Variants in LARGE1 observed in about 807,000 individuals in gnomAD.
LARGE1 encodes xylosyl- and glucuronyltransferase LARGE1.
LARGE1 carries 43 observed loss-of-function variants against 87.6 expected under a neutral mutation model. The ratio of observed to expected loss-of-function variants is 0.49; its 90% CI spans 0.38 to 0.63. The LOEUF (loss-of-function observed/expected upper bound fraction) is 0.63. Among genes scored for constraint, LARGE1 ranks in the 30% least tolerant of loss-of-function variants. The pLI, the probability that LARGE1 is intolerant of heterozygous loss-of-function variation, is 0.00. For synonymous variants in LARGE1, 434 were observed against 394.6 expected, an observed-to-expected ratio of 1.10 and a Z score of -1.18; for missense variants, 802 against 1,000.2, an observed-to-expected ratio of 0.80 and a Z score of 2.67.
intron 11 of LARGE1, among the ~76,000 whole-genome samples, chr22:33,222,563 A>G (rs1602111477): frequency 1.3e-5 from 2 of 152,348 alleles, no homozygotes; most frequent in East Asian, 1.9e-4. Context: ...CTCTCAGTCC[A>G]ATAGCAAGTG....
At chr22:33,673,475 T>G (rs1160699658) in intron 2 of LARGE1, among the ~76,000 whole-genome samples, 3 of 152,192 alleles carry the variant, frequency 2.0e-5, no homozygotes. Context: ...CTGCAACAGC[T>G]TGCCAGCTGA....
At chr22:33,329,484 C>T (rs1023235157) in intron 10 of LARGE1, among the ~76,000 whole-genome samples, 3 of 151,396 alleles carry the variant, frequency 2.0e-5, no homozygotes, top group Admixed American at 6.6e-5. Flanking sequence ...AACAAGGAGG[C>T]GAGCCCAGAA....
At chr22:33,471,576 CAAAA>C (rs2068843759) in intron 6 of LARGE1, among the ~76,000 whole-genome samples, 1 of 152,014 alleles carries the variant, frequency 6.6e-6, no homozygotes, top group African/African-American at 2.4e-5. Context: ...GTGCCCCACC[CAAAA>C]TAATGCCAAT....
intron 2 of LARGE1, among the ~76,000 whole-genome samples, chr22:33,671,718 T>C (rs2081418355): frequency 6.6e-6 from 1 of 152,174 alleles, no homozygotes; most frequent in Non-Finnish European, 1.5e-5. Flanking sequence ...TTAAGCATCG[T>C]TTAAGATTTT....
intron 7 of LARGE1, among the ~76,000 whole-genome samples, chr22:33,397,115 TTTTC>T (rs910248926): frequency 2.0e-5 from 3 of 152,024 alleles, no homozygotes; most frequent in Non-Finnish European, 4.4e-5. Flanking sequence ...ATCTTGCCTT[TTTTC>T]TTTCTTTTTT....
intron 11 of LARGE1, among the ~76,000 whole-genome samples, chr22:33,210,271 T>C (rs1024400922): frequency 6.6e-6 from 1 of 152,254 alleles, no homozygotes; most frequent in Non-Finnish European, 1.5e-5. Flanking sequence ...TTGTCCTCTT[T>C]GCCCTCCACA....
At chr22:33,416,938 C>T (rs990068792) in intron 7 of LARGE1, among the ~76,000 whole-genome samples, 99 of 115,852 alleles carry the variant, frequency 8.5e-4, no homozygotes, top group Middle Eastern at 4.7e-3. Flanking sequence ...GACAGAGTCT[C>T]GCTGTGTCAC....
chr22:33,220,983 C>T (rs765972709), intron 11 of LARGE1, among the ~76,000 whole-genome samples: 4 of 152,104 alleles, frequency 2.6e-5, no homozygotes, highest in Non-Finnish European at 5.9e-5. Flanking sequence ...AGGAATGAGG[C>T]CCTGAGAAAC....
At position 33,892,215 on chromosome 22, in the gene LARGE1, T is replaced by G. The variant is rs527541272; in HGVS notation, c.-83+27780A>C. Among the ~76,000 whole-genome samples, 3 of 152,264 alleles carry G rather than the reference T, an allele frequency of 2.0e-5. No individual in the cohort carries two copies. The South Asian group carries it at 6.2e-4, about 32-fold the overall frequency. On this transcript the variant is annotated intron_variant, in intron 1 of 14. Transcript: ENST00000397394. ...GTGTCTTGAGGCAACGATCACTTAT[T>G]TCTAGTCATGCACCTGCAGGTCAGC...
At chr22:33,772,976 C>T (rs1288242648) in intron 1 of LARGE1, among the ~76,000 whole-genome samples, 2 of 152,216 alleles carry the variant, frequency 1.3e-5, no homozygotes, top group Non-Finnish European at 2.9e-5. Flanking sequence ...GACTGTACAA[C>T]ATCTGTAACA....
intron 6 of LARGE1, among the ~76,000 whole-genome samples, chr22:33,499,836 C>T (rs992682129): frequency 2.0e-5 from 3 of 152,124 alleles, no homozygotes; most frequent in Non-Finnish European, 2.9e-5. Flanking sequence ...TGCAATGGTG[C>T]AATCTCGGCT....
intron 1 of LARGE1, among the ~76,000 whole-genome samples, chr22:33,782,437 A>G (rs942461415): frequency 3.3e-5 from 5 of 152,220 alleles, no homozygotes; most frequent in African/African-American, 9.6e-5. Flanking sequence ...TGAAAATACT[A>G]AAAACCACTA....
At chr22:33,212,708 G>A (rs779999884) in intron 11 of LARGE1, among the ~76,000 whole-genome samples, 14 of 152,186 alleles carry the variant, frequency 9.2e-5, no homozygotes, top group African/African-American at 1.4e-4. Context: ...AGGATTCACC[G>A]TTCTAGATAC....
intron 2 of LARGE1, among the ~76,000 whole-genome samples, chr22:33,716,024 A>T (rs2082897937): frequency 6.6e-6 from 1 of 152,170 alleles, no homozygotes; most frequent in South Asian, 2.1e-4. Context: ...ACATTGTCCC[A>T]GTTCCTTGCA....
At chr22:33,130,809 G>A in the LARGE1 span, among the ~76,000 whole-genome samples, 3 of 152,030 alleles carry the variant, frequency 2.0e-5, no homozygotes, top group Non-Finnish European at 2.9e-5. Context: ...ACTTTGGGAG[G>A]CCGAGGCAGG....
chr22:33,665,609 AGGGCTGCGCGC>A (rs2081246236), intron 2 of LARGE1, among the ~76,000 whole-genome samples: 1 of 152,202 alleles, frequency 6.6e-6, no homozygotes, highest in African/African-American at 2.4e-5. Flanking sequence ...AAGCAGAAAC[AGGGCTGCGCGC>A]GGTGGCTCAT....
At chr22:33,820,900 C>G (rs1041516568) in intron 1 of LARGE1, among the ~76,000 whole-genome samples, 1 of 152,142 alleles carries the variant, frequency 6.6e-6, no homozygotes, top group South Asian at 2.1e-4. Context: ...TGCACCACCC[C>G]CTCTTCTGCC....
At chr22:33,912,130 C>T (rs2065655802) in intron 1 of LARGE1, among the ~76,000 whole-genome samples, 1 of 152,174 alleles carries the variant, frequency 6.6e-6, no homozygotes, top group South Asian at 2.1e-4. Context: ...ATGCCATTTC[C>T]AGATGAGAGC....
intron 6 of LARGE1, among the ~76,000 whole-genome samples, chr22:33,452,375 C>T (rs2067966920): frequency 6.6e-6 from 1 of 152,152 alleles, no homozygotes; most frequent in Admixed American, 6.5e-5. Context: ...AGGAGAAAGG[C>T]CATTTCCCCT....
Sources: gnomAD v4.1 joint callset for allele counts (sites outside exome capture counted in the v4.1 genomes callset) on GRCh38, gnomAD v4.1.1 for gene constraint, MANE v1.5 for transcripts, NCBI Gene and HGNC (gene_info 2026-07-23, HGNC 2026-07-21) for gene names.